Variants in C1QTNF3 observed in about 807,000 individuals in gnomAD.
C1QTNF3 encodes complement C1q tumor necrosis factor-related protein 3.
Under a neutral mutation model 32.6 loss-of-function variants are expected in C1QTNF3, and 26 were observed. That is an observed-to-expected ratio of 0.80 (90% confidence interval 0.58 to 1.11). C1QTNF3 has a LOEUF of 1.11. Ranked by LOEUF, C1QTNF3 falls within the 50% of genes least tolerant of loss-of-function variation. The pLI, the probability that C1QTNF3 is intolerant of heterozygous loss-of-function variation, is 0.00. For synonymous variants in C1QTNF3, 155 were observed against 146.0 expected, an observed-to-expected ratio of 1.06 and a Z score of -0.44; for missense variants, 362 against 398.2, an observed-to-expected ratio of 0.91 and a Z score of 0.77.
At chr5:34,105,251 C>G in the C1QTNF3 span, among the ~76,000 whole-genome samples, 2 of 152,036 alleles carry the variant, frequency 1.3e-5, no homozygotes, top group Admixed American at 6.6e-5. Context: ...GTAAGCATGA[C>G]AAGACTCAAG....
chr5:34,041,784 T>A (rs1754877954), intron 1 of C1QTNF3, among the ~76,000 whole-genome samples: 1 of 152,066 alleles, frequency 6.6e-6, no homozygotes. Flanking sequence ...TAGTTTCAAA[T>A]CTGCAATTGA....
the C1QTNF3 span, among the ~76,000 whole-genome samples, chr5:34,209,688 C>T: frequency 1.3e-5 from 2 of 152,052 alleles, no homozygotes; most frequent in African/African-American, 2.4e-5. Context: ...AAATTGATGG[C>T]TGTTAAAACT....
the C1QTNF3 span, chr5:34,167,164 G>C: frequency 6.6e-6 from 1 of 151,948 alleles, no homozygotes; most frequent in African/African-American, 2.4e-5. Flanking sequence ...TTCCAAGCTA[G>C]CTGCCCATCA....
the C1QTNF3 span, chr5:34,167,417 A>G: frequency 1.3e-5 from 2 of 152,182 alleles, no homozygotes; most frequent in Admixed American, 6.5e-5. Context: ...AGAATGTTTT[A>G]TTTCAACAAA....
At chr5:34,125,055 G>T in the C1QTNF3 span, among the ~76,000 whole-genome samples, 7 of 152,146 alleles carry the variant, frequency 4.6e-5, no homozygotes, top group Non-Finnish European at 1.0e-4. Context: ...GGAAAGAGAA[G>T]GCAAGCATGA....
chr5:34,166,101 A>G, the C1QTNF3 span: 1 of 151,268 alleles, frequency 6.6e-6, no homozygotes, highest in Non-Finnish European at 1.5e-5. Context: ...GTGTTTTAGA[A>G]CAGGACAATT....
At chr5:34,228,152 A>C in the C1QTNF3 span, among the ~76,000 whole-genome samples, 5 of 151,952 alleles carry the variant, frequency 3.3e-5, no homozygotes, top group African/African-American at 1.2e-4. Context: ...TTCTGAAACT[A>C]AAGTTGGTAA....
chr5:34,235,007 A>G, the C1QTNF3 span, among the ~76,000 whole-genome samples: 1 of 152,102 alleles, frequency 6.6e-6, no homozygotes, highest in African/African-American at 2.4e-5. Flanking sequence ...GTTCTTTCCT[A>G]GGTATAATTC....
chr5:34,242,122 T>C, the C1QTNF3 span, among the ~76,000 whole-genome samples: 2 of 152,186 alleles, frequency 1.3e-5, no homozygotes, highest in African/African-American at 4.8e-5. Flanking sequence ...GCTATCTCCA[T>C]GAAACTACCA....
the C1QTNF3 span, among the ~76,000 whole-genome samples, chr5:34,116,998 T>C: frequency 6.6e-6 from 1 of 152,190 alleles, no homozygotes; most frequent in South Asian, 2.1e-4. Context: ...TTTCTGATTC[T>C]GAAGTACCTC....
At chr5:34,028,025 T>C (rs983227695) in intron 4 of C1QTNF3, among the ~76,000 whole-genome samples, 1 of 151,952 alleles carries the variant, frequency 6.6e-6, no homozygotes, top group East Asian at 1.9e-4. Context: ...CAGGCTGGAG[T>C]GCAGTCGCGC....
the C1QTNF3 span, among the ~76,000 whole-genome samples, chr5:34,160,503 C>G: frequency 2.6e-5 from 4 of 152,258 alleles, no homozygotes; most frequent in South Asian, 6.2e-4. Context: ...TACGAGGGAG[C>G]TGGTGATAGG....
chr5:34,183,415 C>G, the C1QTNF3 span, among the ~76,000 whole-genome samples: 1 of 142,420 alleles, frequency 7.0e-6, no homozygotes, highest in South Asian at 2.2e-4. Flanking sequence ...ACTGCAACCT[C>G]CACCTCTGGA....
chr5:34,121,939 T>A, the C1QTNF3 span, among the ~76,000 whole-genome samples: 1 of 152,208 alleles, frequency 6.6e-6, no homozygotes, highest in Non-Finnish European at 1.5e-5. Flanking sequence ...AACCAGCAAG[T>A]AGGCTGACCC....
Position 34,020,552 on chromosome 5 carries a change from T to TCC in C1QTNF3, c.*29_*30dup. 6.2e-7 allele frequency: 1 copy of TCC among 1,602,930 alleles called. No homozygotes were observed. Among genetic ancestry groups the TCC allele is most frequent in the Non-Finnish European group, 8.5e-7 (1 of 1,171,440 alleles). On this transcript the variant is annotated 3_prime_UTR_variant, in exon 6 of 6. Coordinates refer to ENST00000382065, the MANE Select transcript of C1QTNF3 (RefSeq NM_181435.6). Reference sequence around the variant, plus strand: ...AACAAATCAGCTCAGCTACAAGTCTTCCCCAAAGTGGAGCTATTCTAGTCA... The same window carrying TCC: ...AACAAATCAGCTCAGCTACAAGTCTTCCCCCCAAAGTGGAGCTATTCTAGTCA...
chr5:34,244,033 G>C, the C1QTNF3 span, among the ~76,000 whole-genome samples: 1 of 152,156 alleles, frequency 6.6e-6, no homozygotes, highest in Non-Finnish European at 1.5e-5. Flanking sequence ...AAGGCATTGG[G>C]GGATGCACAA....
chr5:34,104,942 T>C, the C1QTNF3 span, among the ~76,000 whole-genome samples: 1 of 152,068 alleles, frequency 6.6e-6, no homozygotes, highest in East Asian at 1.9e-4. Context: ...TTTTTAAAAG[T>C]TTTATTTACA....
At chr5:34,136,652 T>C in the C1QTNF3 span, among the ~76,000 whole-genome samples, 1 of 152,248 alleles carries the variant, frequency 6.6e-6, no homozygotes, top group African/African-American at 2.4e-5. Context: ...TTACTGGGTA[T>C]ATACTCAAAA....
the C1QTNF3 span, among the ~76,000 whole-genome samples, chr5:34,116,669 A>G: frequency 6.6e-6 from 1 of 151,302 alleles, no homozygotes; most frequent in East Asian, 1.9e-4. Flanking sequence ...ATCTCGGCTC[A>G]CTGCAACCTC....
Sources: allele counts gnomAD v4.1 joint callset (sites outside exome capture counted in the v4.1 genomes callset), GRCh38; gene constraint gnomAD v4.1.1; transcripts MANE v1.5; gene names NCBI Gene and HGNC (gene_info 2026-07-23, HGNC 2026-07-21).